Variants in VAV2 observed in about 807,000 individuals in gnomAD.
VAV2 encodes the protein guanine nucleotide exchange factor VAV2.
A neutral mutation model predicts 132.5 loss-of-function variants in VAV2; 67 were observed. That is an observed-to-expected ratio of 0.51 (90% CI 0.42 to 0.62). VAV2 has a LOEUF of 0.62. Ranked by LOEUF, VAV2 falls within the 20% of genes least tolerant of loss-of-function variation. The pLI, the probability that VAV2 is intolerant of heterozygous loss-of-function variation, is 0.00. For missense variants in VAV2, 938 were observed against 1,153.6 expected (o/e 0.81, Z 2.71); for synonymous variants, 492 against 443.5 (o/e 1.11, Z -1.37).
intron 1 of VAV2, among the ~76,000 whole-genome samples, chr9:133,952,581 C>CA (rs1417076049): frequency 4.7e-5 from 7 of 149,028 alleles, no homozygotes; most frequent in South Asian, 4.3e-4. Context: ...CCAGCCTGGG[C>CA]AAAAGAGCAA....
Position 133,789,290 on chromosome 9 carries a change from G to A in VAV2, c.1242C>T (p.Val414=). The A allele has an allele frequency of 6.2e-7, 1 of 1,614,120 alleles. No homozygotes were observed. The highest frequency in any genetic ancestry group is 8.5e-7 in the Non-Finnish European group (1 of 1,180,022). Residue 414 remains valine, a synonymous_variant, in exon 14 of 30, where the codon GTC becomes GTT. Transcript: ENST00000371850. The stretch of plus-strand genomic sequence containing the variant: ...GCTTGGTGTGGTTGACTATGGACCG[G>A]ACTTTCAGTTCCCCGTCAATCTTTG... The part of the protein sequence containing the change: ...GRPKIDGELK[V]RSIVNHTKQD...
intron 1 of VAV2, among the ~76,000 whole-genome samples, chr9:133,976,985 C>T (rs1842533020): frequency 6.6e-6 from 1 of 152,242 alleles, no homozygotes; most frequent in Non-Finnish European, 1.5e-5. Flanking sequence ...CTGGACACCC[C>T]AAGGCTGAAG....
chr9:133,806,672 C>T (rs1835159440), intron 8 of VAV2, among the ~76,000 whole-genome samples: 1 of 152,232 alleles, frequency 6.6e-6, no homozygotes, highest in Non-Finnish European at 1.5e-5. Flanking sequence ...TCCAGGGCAG[C>T]GTGACCAGAG....
At chr9:133,959,486 G>A (rs919847393) in intron 1 of VAV2, among the ~76,000 whole-genome samples, 1 of 152,136 alleles carries the variant, frequency 6.6e-6, no homozygotes, top group Non-Finnish European at 1.5e-5. Context: ...TGAGCTTTCA[G>A]GGCAGGCTCT....
intron 3 of VAV2, among the ~76,000 whole-genome samples, chr9:133,841,822 ATAAGCCTCCTAG>A (rs1564397613): frequency 6.6e-6 from 1 of 152,208 alleles, no homozygotes; most frequent in African/African-American, 2.4e-5. Flanking sequence ...GAGATGGTGC[ATAAGCCTCCTAG>A]TGAGCATCCT....
intron 2 of VAV2, among the ~76,000 whole-genome samples, chr9:133,917,441 C>CTTTTTTTTTTTT (rs56141918): frequency 2.2e-4 from 29 of 132,586 alleles, no homozygotes; most frequent in African/African-American, 9.2e-4. Flanking sequence ...AAAACTCTTT[C>CTTTTTTTTTTTT]TTTTTTTTTT....
rs1018622146 is a variant in VAV2 at position 133,830,195 on chromosome 9, T to C, written c.449+4077A>G. On this transcript the variant is annotated intron_variant, in intron 4 of 29. Coordinates refer to ENST00000371850, the MANE Select transcript of VAV2 (RefSeq NM_001134398.2). ...GGTCTGGGCAGTCAGCGGAGTCCTT[T>C]AGACATTCAAGGTGACCTTCATGTT... is the stretch of plus-strand genomic sequence containing the variant. Among the ~76,000 whole-genome samples, 4 of 152,156 alleles carry C rather than the reference T, an allele frequency of 2.6e-5. No homozygotes were observed. The East Asian group carries it at 7.7e-4, about 29-fold the overall frequency.
At chr9:133,839,657 G>A (rs1836638569) in intron 3 of VAV2, among the ~76,000 whole-genome samples, 1 of 152,012 alleles carries the variant, frequency 6.6e-6, no homozygotes, top group Non-Finnish European at 1.5e-5. Context: ...CACTATGGTG[G>A]CCATGCTGGT....
intron 1 of VAV2, among the ~76,000 whole-genome samples, chr9:133,985,317 T>C (rs568577582): frequency 1.8e-3 from 281 of 152,098 alleles, no homozygotes; most frequent in African/African-American, 6.7e-3. Context: ...AGTCTCACTC[T>C]GTCACCCAGG....
intron 1 of VAV2, among the ~76,000 whole-genome samples, chr9:133,955,178 C>T (rs1207319537): frequency 2.0e-5 from 3 of 152,018 alleles, no homozygotes; most frequent in African/African-American, 7.3e-5. Context: ...TCCAGCCAGA[C>T]TCTGCTTCCT....
In VAV2 at chr9:133,785,844, C is replaced by T. The variant is rs142033790; in HGVS notation, c.1464G>A (p.Gln488=). 6.9e-3 allele frequency: 11,168 copies of T among 1,614,022 alleles called. 202 individuals are homozygous for T. The highest frequency in any genetic ancestry group is 0.051 in the Admixed American group (3,040 of 60,010). Residue 488 remains glutamine (Q), a synonymous_variant, in exon 17 of 30, where the codon CAG becomes CAA. Coordinates refer to ENST00000371850, the MANE Select transcript of VAV2 (RefSeq NM_001134398.2). ...GFYLIHLQGK[Q]GFQFFCKTED... Reference sequence around the variant, plus strand: ...CTGTTTTGCAGAAAAACTGGAAGCCCTGCTTTCCTTGAAGGTGAATTAGGT... The same window carrying T: ...CTGTTTTGCAGAAAAACTGGAAGCCTTGCTTTCCTTGAAGGTGAATTAGGT...
chr9:133,886,839 G>C (rs1482422137), intron 2 of VAV2, among the ~76,000 whole-genome samples: 1 of 152,244 alleles, frequency 6.6e-6, no homozygotes, highest in South Asian at 2.1e-4. Context: ...CCATACTCCA[G>C]GGGTCTGCTG....
chr9:133,953,579 G>A (rs1459083721), intron 1 of VAV2, among the ~76,000 whole-genome samples: 1 of 152,178 alleles, frequency 6.6e-6, no homozygotes, highest in African/African-American at 2.4e-5. Flanking sequence ...AAAGTCCCCA[G>A]AGGGACCCTG....
rs763254442 is a variant in VAV2 at position 133,883,670 on chromosome 9, C to T, written c.322-22238G>A. ...CAGGCACTGGACCTGGGGAGGCTTC[C>T]GGTCACCTGTGCAATGCCACCAGCA... On this transcript the variant is annotated intron_variant, in intron 2 of 29. Coordinates refer to ENST00000371850, the MANE Select transcript of VAV2 (RefSeq NM_001134398.2). The surrounding 1 kb of genome is among the most constrained non-coding windows in gnomAD (Gnocchi z 4.2). Among the ~76,000 whole-genome samples the T allele has an allele frequency of 3.3e-5, 5 of 152,190 alleles. No homozygotes were observed. The highest frequency in any genetic ancestry group is 6.5e-5 in the Admixed American group (1 of 15,282).
At chr9:133,862,955 G>C (rs1470474557) in intron 2 of VAV2, among the ~76,000 whole-genome samples, 1 of 152,170 alleles carries the variant, frequency 6.6e-6, no homozygotes, top group Admixed American at 6.5e-5. Context: ...CTCGTGATTC[G>C]GGACCGGCGC....
At chr9:133,838,104 A>G (rs1001609783) in intron 3 of VAV2, among the ~76,000 whole-genome samples, 5 of 152,040 alleles carry the variant, frequency 3.3e-5, no homozygotes, top group African/African-American at 1.2e-4. Flanking sequence ...AGGAGGCTTC[A>G]CCAGGCCCCA....
At chr9:133,905,648 G>A (rs1370766524) in intron 2 of VAV2, among the ~76,000 whole-genome samples, 1 of 152,122 alleles carries the variant, frequency 6.6e-6, no homozygotes, top group Non-Finnish European at 1.5e-5. Flanking sequence ...TCAGGGCCCT[G>A]TGACATCTGG....
At chr9:133,937,621 C>G (rs471858) in intron 2 of VAV2, among the ~76,000 whole-genome samples, 37,722 of 151,952 alleles carry the variant, frequency 0.25, 4,887 homozygotes, top group East Asian at 0.45. Context: ...GTGCTGCAGG[C>G]AAATTCATCT....
At chr9:133,856,179 G>A (rs1374098765) in intron 3 of VAV2, among the ~76,000 whole-genome samples, 2 of 152,240 alleles carry the variant, frequency 1.3e-5, no homozygotes, top group African/African-American at 4.8e-5. Flanking sequence ...TCTTCCTGGG[G>A]TGTGAAGATG....
Sources: gnomAD v4.1 joint callset for allele counts (sites outside exome capture counted in the v4.1 genomes callset) on GRCh38, gnomAD v4.1.1 for gene constraint, Gnocchi (gnomAD v3.1) non-coding constraint, MANE v1.5 for transcripts, NCBI Gene and HGNC (gene_info 2026-07-23, HGNC 2026-07-21) for gene names.